The following TXNRD1 variants were observed in gnomAD, a reference collection of about 807,000 sequenced individuals.
TXNRD1 encodes the protein thioredoxin reductase 1.
A neutral mutation model predicts 80.3 loss-of-function variants in TXNRD1; 57 were observed. That is an observed-to-expected ratio of 0.71 (90% CI 0.57 to 0.89). TXNRD1 has a LOEUF of 0.89. TXNRD1 is among the 40% of genes least tolerant of loss of function. The pLI, the probability that TXNRD1 is intolerant of heterozygous loss-of-function variation, is 0.00. For missense variants in TXNRD1, 730 were observed against 803.0 expected, an observed-to-expected ratio of 0.91 and a Z score of 1.10; for synonymous variants, 291 against 285.2, an observed-to-expected ratio of 1.02 and a Z score of -0.20.
At chr12:104,317,475 G>A (rs545615821) in intron 7 of TXNRD1, among the ~76,000 whole-genome samples, 2 of 151,178 alleles carry the variant, frequency 1.3e-5, no homozygotes, top group South Asian at 4.2e-4. Context: ...TCTCTTAGAG[G>A]CTATAAATCA....
At chr12:104,321,341 C>A in intron 10 of TXNRD1, 25 bp downstream of exon 10, 1 of 1,586,428 alleles carries the variant, frequency 6.3e-7, no homozygotes, top group Non-Finnish European at 8.7e-7. Flanking sequence ...CTGTAGGTTT[C>A]TTGATTCTAC....
chr12:104,317,929 C>T lies in TXNRD1; in HGVS notation c.731-984C>T, dbSNP rs184365717. The stretch of plus-strand genomic sequence containing the variant: ...CTGAAGTCGGCAGAGCACTTGAGGT[C>T]GGGAGTTTGAGACCAGCCTGGCCAA... On this transcript the variant is annotated intron_variant, in intron 7 of 16. Transcript: ENST00000525566. 2.4e-3 allele frequency among the ~76,000 whole-genome samples: 369 copies of T among 152,260 alleles called. 1 individual carries two copies. The highest frequency in any genetic ancestry group is 6.8e-3 in the Middle Eastern group (2 of 294).
At chr12:104,309,834 C>G in intron 4 of TXNRD1, 1 of 1,535,226 alleles carries the variant, frequency 6.5e-7, no homozygotes, top group Non-Finnish European at 8.7e-7. Flanking sequence ...GCCTCTTGTG[C>G]TAGACCTTTT....
chr12:104,309,752 C>T (rs1033902383), intron 4 of TXNRD1: 8 of 1,513,042 alleles, frequency 5.3e-6, no homozygotes, highest in Non-Finnish European at 4.4e-6. Flanking sequence ...TTGTTTTTCC[C>T]CCACAGTGCT....
At chr12:104,248,953 A>G (rs80029500) in intron 1 of TXNRD1, among the ~76,000 whole-genome samples, 2,467 of 152,248 alleles carry the variant, frequency 0.016, 57 homozygotes, top group African/African-American at 0.056. Context: ...CAGTGCTGGG[A>G]TTACAGGCAT....
At position 104,296,513 on chromosome 12, in the gene TXNRD1, A is replaced by G. The variant is rs76615271; in HGVS notation, c.414+7473A>G. Among the ~76,000 whole-genome samples the G allele has an allele frequency of 6.8e-3, 1,035 of 152,254 alleles. 11 individuals carry two copies. The highest frequency in any genetic ancestry group is 0.02 in the African/African-American group (823 of 41,536). ...GCCTCAACCCCCCTGGGCTCAAGCAATCCTCTTGCCTCAGCCGCCTGAGTA... is the reference window on the plus strand; with the variant it reads ...GCCTCAACCCCCCTGGGCTCAAGCAGTCCTCTTGCCTCAGCCGCCTGAGTA... On this transcript the variant is annotated intron_variant, in intron 4 of 16. Transcript: ENST00000525566.
chr12:104,242,488 C>T (rs1025026221), intron 1 of TXNRD1, among the ~76,000 whole-genome samples: 2 of 151,354 alleles, frequency 1.3e-5, no homozygotes, highest in Non-Finnish European at 2.9e-5. Flanking sequence ...GTGGAGGTTG[C>T]AGTGAGCTGA....
intron 14 of TXNRD1, among the ~76,000 whole-genome samples, chr12:104,333,804 G>A (rs2036042251): frequency 6.6e-6 from 1 of 151,904 alleles, no homozygotes; most frequent in African/African-American, 2.4e-5. Flanking sequence ...ATGTCTTTTG[G>A]AAGCATTTAG....
At chr12:104,333,473 C>T (rs2135869034) in intron 14 of TXNRD1, among the ~76,000 whole-genome samples, 1 of 151,998 alleles carries the variant, frequency 6.6e-6, no homozygotes. Context: ...AATTTTTTTC[C>T]TATATAATTG....
At chr12:104,251,375 A>G (rs762136534) in intron 1 of TXNRD1, among the ~76,000 whole-genome samples, 152 bp from the exon 2 acceptor site, 2 of 152,212 alleles carry the variant, frequency 1.3e-5, no homozygotes, top group Admixed American at 6.5e-5. Context: ...AAGTAAATCT[A>G]TAATCTTCAT....
rs142055928 is a variant in TXNRD1 at position 104,247,058 on chromosome 12, T to TTTTG, written c.92-4445_92-4442dup. 5.8e-3 allele frequency among the ~76,000 whole-genome samples: 880 copies of TTTTG among 151,654 alleles called. 6 individuals are homozygous for TTTTG. The highest frequency in any genetic ancestry group is 9.1e-3 in the Non-Finnish European group (617 of 67,944). On this transcript the variant is annotated intron_variant, in intron 1 of 16. Transcript: ENST00000525566. ...ATGAAAGCAACTTATCATTACAGTT[T>TTTTG]TTTGTTTGTTTGTTTGTTTGTTTGT...
At chr12:104,222,378 GA>G (rs144809366) in intron 1 of TXNRD1, among the ~76,000 whole-genome samples, 45 of 148,014 alleles carry the variant, frequency 3.0e-4, no homozygotes, top group Non-Finnish European at 1.8e-4. Flanking sequence ...ATCTTGTACA[GA>G]AAAAAAAACA....
chr12:104,315,652 A>T, intron 6 of TXNRD1, 125 bp from the exon 7 acceptor site: 1 of 1,117,244 alleles, frequency 9.0e-7, no homozygotes, highest in Non-Finnish European at 1.2e-6. Flanking sequence ...AAACTTTATT[A>T]CTGACCACAT....
chr12:104,325,571 G>A, intron 11 of TXNRD1, 142 bp downstream of exon 11: 1 of 665,764 alleles, frequency 1.5e-6, no homozygotes, highest in Non-Finnish European at 2.6e-6. Flanking sequence ...AATAACTTAT[G>A]ATATTAAAAT....
At chr12:104,346,020 T>C in intron 16 of TXNRD1, 1 of 1,286,168 alleles carries the variant, frequency 7.8e-7, no homozygotes, top group Non-Finnish European at 1.0e-6. Context: ...CCCAAGCAGT[T>C]TTTTTCATTT....
chr12:104,267,736 C>A (rs1343200966), intron 3 of TXNRD1, among the ~76,000 whole-genome samples: 1 of 106,306 alleles, frequency 9.4e-6, no homozygotes, highest in Non-Finnish European at 2.0e-5. Context: ...TCTTTCTTTC[C>A]TTTCTTCCTT....
intron 2 of TXNRD1, among the ~76,000 whole-genome samples, chr12:104,254,630 G>GAAAAAAAAAAAAAAAAAAAAAA (rs760022093): frequency 2.3e-4 from 4 of 17,300 alleles, no homozygotes; most frequent in Non-Finnish European, 4.2e-4. Context: ...TATGTCTATG[G>GAAAAAAAAAAAAAAAAAAAAAA]AAAAAAAAAA....
chr12:104,310,029 C>T, intron 4 of TXNRD1: 1 of 1,536,270 alleles, frequency 6.5e-7, no homozygotes, highest in South Asian at 1.2e-5. Flanking sequence ...TCTTCTTCCG[C>T]TGACCCCAAG....
chr12:104,343,163 A>C (rs1012561973), intron 16 of TXNRD1, among the ~76,000 whole-genome samples: 1 of 152,090 alleles, frequency 6.6e-6, no homozygotes, highest in Admixed American at 6.6e-5. Context: ...CGTTGTGAGC[A>C]CCCCATGCGG....
Sources: allele counts gnomAD v4.1 joint callset (sites outside exome capture counted in the v4.1 genomes callset), GRCh38; gene constraint gnomAD v4.1.1; transcripts MANE v1.5; gene names NCBI Gene and HGNC (gene_info 2026-07-23, HGNC 2026-07-21).